The following DPP6 variants were observed in gnomAD, a reference collection of about 807,000 sequenced individuals.
The protein encoded by DPP6 is A-type potassium channel modulatory protein DPP6.
A neutral mutation model predicts 122.6 loss-of-function variants in DPP6; 69 were observed. The ratio of observed to expected loss-of-function variants is 0.56; its 90% CI spans 0.46 to 0.69. DPP6 has a LOEUF of 0.69. Among genes scored for constraint, DPP6 ranks in the 30% least tolerant of loss-of-function variants. The pLI is 0.00. For synonymous variants in DPP6, 418 were observed against 433.1 expected (o/e 0.97, Z 0.43); for missense variants, 928 against 1,116.9 (o/e 0.83, Z 2.41).
the DPP6 span, among the ~76,000 whole-genome samples, chr7:153,874,840 C>A: frequency 6.6e-6 from 1 of 152,242 alleles, no homozygotes; most frequent in Non-Finnish European, 1.5e-5. Context: ...AATTCAATAT[C>A]TGGTTACAAG....
intron 1 of DPP6, among the ~76,000 whole-genome samples, chr7:154,157,177 G>A (rs1000674803): frequency 1.4e-4 from 21 of 152,396 alleles, no homozygotes; most frequent in African/African-American, 4.8e-4. Context: ...ACATGTTTTT[G>A]TATCTCACAT....
rs368733997 is a variant in DPP6 at position 154,062,322 on chromosome 7, G to A, written c.243+9259G>A. On this transcript the variant is annotated intron_variant, in intron 1 of 25. Transcript: ENST00000377770. ...CCCGGCTCTGAGGACCCCCATCGCAGGAGGGGGAGGCACCCCCCGCGAGGG... is the reference window on the plus strand; with the variant it reads ...CCCGGCTCTGAGGACCCCCATCGCAAGAGGGGGAGGCACCCCCCGCGAGGG... Among the ~76,000 whole-genome samples the A allele has an allele frequency of 7.0e-3, 437 of 62,338 alleles. 20 individuals are homozygous for A. The highest frequency in any genetic ancestry group is 0.016 in the South Asian group (20 of 1,284). The allele number at this position is 62,338 out of a possible 152,430, so 40.9% of individuals were successfully genotyped here.
At chr7:154,409,257 A>T (rs1409675696) in intron 1 of DPP6, among the ~76,000 whole-genome samples, 1 of 152,202 alleles carries the variant, frequency 6.6e-6, no homozygotes, top group Non-Finnish European at 1.5e-5. Context: ...ATTCCATATG[A>T]CTGGTGTCCT....
At chr7:154,453,492 T>C (rs548721416) in intron 2 of DPP6, among the ~76,000 whole-genome samples, 2 of 151,098 alleles carry the variant, frequency 1.3e-5, no homozygotes, top group South Asian at 4.2e-4. Context: ...CAAAACATTT[T>C]ATTGAAGAAG....
Position 154,483,726 on chromosome 7 carries a change from G to A in DPP6, c.457+8689G>A, listed in dbSNP as rs149206244. 1.6e-3 allele frequency among the ~76,000 whole-genome samples: 251 copies of A among 152,302 alleles called. No individual in the cohort carries two copies. Among genetic ancestry groups the A allele is most frequent in the African/African-American group, 5.2e-3 (215 of 41,568 alleles). ...TGCTTTGCTTTTGAGACGGAGTCTC[G>A]CTCTGTCGCCCAGGCTGGAGTGCAG... On this transcript the variant is annotated intron_variant, in intron 3 of 25. Transcript: ENST00000377770. The surrounding 1 kb of genome is among the most constrained non-coding windows in gnomAD (Gnocchi z 8.1).
At chr7:154,050,419 G>A (rs1172112190), upstream of DPP6, among the ~76,000 whole-genome samples, 2 of 152,126 alleles carry the variant, frequency 1.3e-5, no homozygotes, top group Non-Finnish European at 2.9e-5. Flanking sequence ...GTAAAAATAT[G>A]CATGCATATT....
At chr7:153,823,423 G>A in the DPP6 span, among the ~76,000 whole-genome samples, 6 of 145,030 alleles carry the variant, frequency 4.1e-5, no homozygotes, top group Non-Finnish European at 9.2e-5. Flanking sequence ...AGTCAGGGGT[G>A]CGAGCTCTAA....
intron 16 of DPP6, among the ~76,000 whole-genome samples, chr7:154,808,144 G>A (rs561743914): frequency 7.9e-5 from 12 of 152,298 alleles, no homozygotes; most frequent in East Asian, 1.9e-4. Flanking sequence ...GGAGCAATTT[G>A]CTCCTCTGTC....
At chr7:154,834,548 G>A (rs1466466124) in intron 16 of DPP6, among the ~76,000 whole-genome samples, 2 of 152,092 alleles carry the variant, frequency 1.3e-5, no homozygotes, top group African/African-American at 4.8e-5. Context: ...TAATGGCCAA[G>A]AACTGCAAAG....
intron 5 of DPP6, among the ~76,000 whole-genome samples, chr7:154,581,544 G>C (rs1011672888): frequency 6.6e-6 from 1 of 152,214 alleles, no homozygotes. Context: ...CAGGGAGCTG[G>C]GGTGCCCTGT....
intron 1 of DPP6, among the ~76,000 whole-genome samples, chr7:154,141,424 G>A (rs1029568876): frequency 2.6e-5 from 4 of 152,154 alleles, no homozygotes; most frequent in Non-Finnish European, 2.9e-5. Flanking sequence ...AAAACATCAG[G>A]GTTTCAGTTC....
intron 5 of DPP6, among the ~76,000 whole-genome samples, chr7:154,635,750 C>A (rs912297940): frequency 6.6e-6 from 1 of 152,120 alleles, no homozygotes; most frequent in Admixed American, 6.5e-5. Context: ...GATGGGGAAC[C>A]CATTTCCACA....
At chr7:154,837,454 A>T (rs1801181677) in intron 16 of DPP6, among the ~76,000 whole-genome samples, 1 of 152,194 alleles carries the variant, frequency 6.6e-6, no homozygotes, top group Admixed American at 6.5e-5. Flanking sequence ...GCACGCACAC[A>T]CACGTGGGAT....
At chr7:154,079,496 G>A (rs1803832944) in intron 1 of DPP6, among the ~76,000 whole-genome samples, 1 of 152,216 alleles carries the variant, frequency 6.6e-6, no homozygotes, top group Non-Finnish European at 1.5e-5. Flanking sequence ...CAAACGAGAG[G>A]CAAGGTGGAG....
intron 1 of DPP6, among the ~76,000 whole-genome samples, chr7:153,949,193 G>A (rs1330421194): frequency 6.6e-6 from 1 of 152,204 alleles, no homozygotes; most frequent in East Asian, 1.9e-4. Flanking sequence ...ACTGATGGAT[G>A]TCTGGAAGTG....
At chr7:153,757,773 C>T in the DPP6 span, among the ~76,000 whole-genome samples, 1 of 152,198 alleles carries the variant, frequency 6.6e-6, no homozygotes, top group East Asian at 1.9e-4. Flanking sequence ...GCTTGGCCAA[C>T]ATGGCGAAAC....
At chr7:154,603,701 C>T (rs1833497503) in intron 5 of DPP6, among the ~76,000 whole-genome samples, 1 of 106,004 alleles carries the variant, frequency 9.4e-6, no homozygotes, top group African/African-American at 2.9e-5. Context: ...AGGCTCTGGA[C>T]TCTCTGTTCT....
chr7:154,417,652 G>A (rs755054729), intron 1 of DPP6, among the ~76,000 whole-genome samples: 2 of 152,052 alleles, frequency 1.3e-5, no homozygotes, highest in Non-Finnish European at 2.9e-5. Context: ...CTCTCAAGTC[G>A]GACAGTTCAT....
chr7:154,110,832 G>A (rs554890272), intron 1 of DPP6, among the ~76,000 whole-genome samples: 117 of 151,860 alleles, frequency 7.7e-4, no homozygotes, highest in South Asian at 1.7e-3. Context: ...AACCTTCCAG[G>A]GTCTGGGGAT....
Sources: allele counts gnomAD v4.1 joint callset (sites outside exome capture counted in the v4.1 genomes callset), GRCh38; gene constraint gnomAD v4.1.1; non-coding constraint Gnocchi (gnomAD v3.1); transcripts MANE v1.5; gene names NCBI Gene and HGNC (gene_info 2026-07-23, HGNC 2026-07-21).